Variants in SIPA1L2 observed in about 807,000 individuals in gnomAD.
The protein encoded by SIPA1L2 is signal-induced proliferation-associated 1-like protein 2.
In SIPA1L2, 56 loss-of-function variants were observed where a neutral mutation model predicts 163.9. The observed-to-expected ratio is 0.34, with a 90% CI of 0.28 to 0.43. The LOEUF is 0.43. SIPA1L2 is among the 20% of genes least tolerant of loss of function. The pLI, the probability that SIPA1L2 is intolerant of heterozygous loss-of-function variation, is 1.00. For missense variants in SIPA1L2, 1,974 were observed against 2,193.5 expected (o/e 0.90, Z 2.00); for synonymous variants, 877 against 865.7 (o/e 1.01, Z -0.23).
intron 3 of SIPA1L2, among the ~76,000 whole-genome samples, chr1:232,504,650 A>T (rs559997750): frequency 1.3e-5 from 2 of 152,296 alleles, no homozygotes; most frequent in South Asian, 4.1e-4. Context: ...AAAAACATAG[A>T]TTTTTGTCAT....
chr1:232,570,946 A>T (rs1006150620), intron 2 of SIPA1L2, among the ~76,000 whole-genome samples: 10 of 93,584 alleles, frequency 1.1e-4, no homozygotes, highest in South Asian at 3.1e-4. Context: ...CAGAAACTAT[A>T]AAAAAAAAAA....
intron 2 of SIPA1L2, among the ~76,000 whole-genome samples, chr1:232,546,147 AAT>A (rs1411665092): frequency 6.6e-6 from 1 of 152,218 alleles, no homozygotes; most frequent in Non-Finnish European, 1.5e-5. Flanking sequence ...GATAAATTGT[AAT>A]AGACTGAAGA....
intron 3 of SIPA1L2, among the ~76,000 whole-genome samples, chr1:232,502,092 A>C (rs1374950317): frequency 6.6e-6 from 1 of 152,212 alleles, no homozygotes; most frequent in African/African-American, 2.4e-5. Flanking sequence ...TATAATTATA[A>C]AAAGCTTACT....
In SIPA1L2 at chr1:232,514,251, T is replaced by C. The variant is rs373689625; in HGVS notation, c.1089A>G (p.Ala363=). 11 of 1,614,098 alleles carry C rather than the reference T, an allele frequency of 6.8e-6. No homozygotes were observed. Among genetic ancestry groups the C allele is most frequent in the Non-Finnish European group, 9.3e-6 (11 of 1,180,056 alleles). ...KRKNITTGAS[A]ASQTQMPTGQ... ...CCGTAGGCATCTGAGTCTGGGATGC[T>C]GCAGATGCCCCAGTGGTTATGTTTT... The change falls in exon 3 of 23, where the codon GCA becomes GCG. Residue 363 remains alanine, a synonymous_variant. Coordinates refer to ENST00000674635, the MANE Select transcript of SIPA1L2 (RefSeq NM_020808.5).
chr1:232,627,114 G>A (rs144003978), intron 1 of SIPA1L2, among the ~76,000 whole-genome samples: 2,231 of 152,114 alleles, frequency 0.015, 24 homozygotes, highest in South Asian at 0.035. Flanking sequence ...AATTCAGTGT[G>A]TCTTTAAAAG....
intron 1 of SIPA1L2, among the ~76,000 whole-genome samples, chr1:232,600,878 T>C (rs1661563492): frequency 6.6e-6 from 1 of 152,178 alleles, no homozygotes; most frequent in Non-Finnish European, 1.5e-5. Flanking sequence ...GTCACCCCTG[T>C]CCTACAAAAT....
At chr1:232,440,353 G>A (rs1662815427) in intron 14 of SIPA1L2, among the ~76,000 whole-genome samples, 1 of 152,160 alleles carries the variant, frequency 6.6e-6, no homozygotes, top group African/African-American at 2.4e-5. Context: ...AAAGTGGTTT[G>A]GCCTTATCTT....
chr1:232,440,484 G>C (rs1662824363), intron 14 of SIPA1L2, among the ~76,000 whole-genome samples: 1 of 152,166 alleles, frequency 6.6e-6, no homozygotes, highest in Non-Finnish European at 1.5e-5. Context: ...TGAGAATATT[G>C]TAAAGGTGGA....
At chr1:232,608,069 A>AAAAAAAAAAAAAG (rs71173227) in intron 1 of SIPA1L2, among the ~76,000 whole-genome samples, 1 of 138,510 alleles carries the variant, frequency 7.2e-6, no homozygotes, top group African/African-American at 2.6e-5. Flanking sequence ...AAAAAAAAAA[A>AAAAAAAAAAAAAG]CGAGTCTTAC....
chr1:232,623,997 T>G (rs2102894114), intron 1 of SIPA1L2, among the ~76,000 whole-genome samples: 1 of 152,260 alleles, frequency 6.6e-6, no homozygotes, highest in South Asian at 2.1e-4. Flanking sequence ...ATCTATTTAT[T>G]TTTAATATTA....
In SIPA1L2 at chr1:232,398,952, G is replaced by T; in HGVS notation, c.*175C>A. On this transcript the variant is annotated 3_prime_UTR_variant, in exon 23 of 23. Transcript: ENST00000674635. ...CTTCACATCGGCGCTGCTCTCTGCCGTGGTTACCGAGAAAGAGTCGAGGCT... is the reference window on the plus strand; with the variant it reads ...CTTCACATCGGCGCTGCTCTCTGCCTTGGTTACCGAGAAAGAGTCGAGGCT... 1.3e-6 allele frequency: 1 copy of T among 770,366 alleles called. No homozygotes were observed. 47.7% of individuals were successfully genotyped at this position (770,366 alleles called of 1,614,324 possible). A position where few individuals can be genotyped will look rare whatever the true frequency, so the allele number is the denominator to read the frequency against.
At chr1:232,553,471 G>A (rs1396285508) in intron 2 of SIPA1L2, among the ~76,000 whole-genome samples, 1 of 152,128 alleles carries the variant, frequency 6.6e-6, no homozygotes, top group Admixed American at 6.5e-5. Flanking sequence ...CAGGCTTGGG[G>A]GTGGGGCCTT....
intron 2 of SIPA1L2, among the ~76,000 whole-genome samples, chr1:232,571,999 T>C (rs987372015): frequency 6.6e-6 from 1 of 152,250 alleles, no homozygotes; most frequent in African/African-American, 2.4e-5. Context: ...ATGTGCTCCC[T>C]ATTGTATACG....
chr1:232,468,657 C>T (rs549361324), intron 8 of SIPA1L2, among the ~76,000 whole-genome samples: 2 of 152,270 alleles, frequency 1.3e-5, no homozygotes, highest in South Asian at 4.1e-4. Flanking sequence ...ACCCTGTCAC[C>T]TAATTTTTGT....
chr1:232,511,976 A>T (rs1666999743), intron 3 of SIPA1L2, among the ~76,000 whole-genome samples: 1 of 152,240 alleles, frequency 6.6e-6, no homozygotes, highest in African/African-American at 2.4e-5. Context: ...CAATCTGTCC[A>T]TCTGACAAAG....
intron 1 of SIPA1L2, among the ~76,000 whole-genome samples, chr1:232,598,264 G>T (rs997418177): frequency 6.6e-6 from 1 of 151,866 alleles, no homozygotes; most frequent in Non-Finnish European, 1.5e-5. Context: ...AATCAGCCGG[G>T]TGTGCTGGTG....
At chr1:232,560,802 A>G (rs113917116) in intron 2 of SIPA1L2, among the ~76,000 whole-genome samples, 5 of 152,364 alleles carry the variant, frequency 3.3e-5, no homozygotes, top group African/African-American at 1.2e-4. Context: ...TCACTGCTGG[A>G]AAAACGCCAA....
chr1:232,567,587 G>A (rs947989588), intron 2 of SIPA1L2, among the ~76,000 whole-genome samples: 1 of 152,166 alleles, frequency 6.6e-6, no homozygotes, highest in Admixed American at 6.5e-5. Context: ...TTATAAAGGA[G>A]TTTGTTTTGA....
intron 6 of SIPA1L2, among the ~76,000 whole-genome samples, chr1:232,482,036 A>G (rs374663787): frequency 1.3e-5 from 2 of 152,196 alleles, no homozygotes; most frequent in East Asian, 1.9e-4. Context: ...AGAATGTCAG[A>G]CTTCCTTGCC....
Sources: allele counts gnomAD v4.1 joint callset (sites outside exome capture counted in the v4.1 genomes callset), GRCh38; gene constraint gnomAD v4.1.1; transcripts MANE v1.5; gene names NCBI Gene and HGNC (gene_info 2026-07-23, HGNC 2026-07-21).